Variants in SETD3 observed in about 807,000 individuals in gnomAD.
SETD3 encodes SET domain containing 3, actin N3(tau)-histidine methyltransferase, also known as actin-histidine N-methyltransferase.
A neutral mutation model predicts 63.0 loss-of-function variants in SETD3; 19 were observed. That is an observed-to-expected ratio of 0.30 (90% CI 0.21 to 0.44). The LOEUF (loss-of-function observed/expected upper bound fraction) is 0.44, where lower values mean the gene tolerates loss of function less well. Among genes scored for constraint, SETD3 ranks in the 20% least tolerant of loss-of-function variants. The probability of loss-of-function intolerance (pLI) is 1.00; values close to 1 mark genes in which losing one functional copy is unlikely to be tolerated. For missense variants in SETD3, 587 were observed against 728.5 expected, an observed-to-expected ratio of 0.81 and a Z score of 2.24; for synonymous variants, 286 against 264.1, an observed-to-expected ratio of 1.08 and a Z score of -0.80.
intron 11 of SETD3, among the ~76,000 whole-genome samples, chr14:99,400,819 G>A (rs553216497): frequency 2.0e-5 from 3 of 152,302 alleles, no homozygotes; most frequent in Non-Finnish European, 4.4e-5. Context: ...AAATCAAACA[G>A]TGCTACCATA....
intron 1 of SETD3, among the ~76,000 whole-genome samples, chr14:99,476,794 T>C (rs1352633210): frequency 1.3e-5 from 2 of 152,204 alleles, no homozygotes; most frequent in African/African-American, 2.4e-5. Flanking sequence ...ATTGTATTCT[T>C]AAAAAATGGA....
At chr14:99,410,170 G>A (rs1197271207) in intron 8 of SETD3, 2 of 1,602,328 alleles carry the variant, frequency 1.2e-6, no homozygotes, top group South Asian at 1.1e-5. Flanking sequence ...AGGAATGGAG[G>A]GTCTTAGGCA....
chr14:99,421,328 T>C (rs920340562), intron 6 of SETD3, among the ~76,000 whole-genome samples: 1 of 152,058 alleles, frequency 6.6e-6, no homozygotes, highest in African/African-American at 2.4e-5. Flanking sequence ...TATATTGTTT[T>C]AGTTTTAATT....
At position 99,412,865 on chromosome 14, in the gene SETD3, T is replaced by C. The variant is rs557266254; in HGVS notation, c.849+86A>G. 32 of 939,228 alleles carry C rather than the reference T, an allele frequency of 3.4e-5. No homozygotes were observed. In the South Asian group the frequency reaches 4.0e-4, roughly 12 times the overall value. 58.2% of individuals were successfully genotyped at this position (939,228 alleles called of 1,614,324 possible). On this transcript the variant is annotated intron_variant, in intron 8 of 12. Coordinates refer to ENST00000331768, the MANE Select transcript of SETD3 (RefSeq NM_032233.3). Reference sequence around the variant, plus strand: ...GAGGGAGGCAACGGGGGGAGTACGATGGGTAGGTGGAATAACAGCCCCCTC... The same window carrying C: ...GAGGGAGGCAACGGGGGGAGTACGACGGGTAGGTGGAATAACAGCCCCCTC...
In SETD3 at chr14:99,404,218, G is replaced by T; in HGVS notation, c.1177+7C>A. Reference sequence around the variant, plus strand: ...GTCAACATCTCTTTTTTCCTGAAATGACTTACCTTCAGTCATACAGAATAC... The same window carrying T: ...GTCAACATCTCTTTTTTCCTGAAATTACTTACCTTCAGTCATACAGAATAC... On this transcript the variant is annotated splice_region_variant and intron_variant, in intron 11 of 12. Coordinates refer to ENST00000331768, the MANE Select transcript of SETD3 (RefSeq NM_032233.3). The T allele has an allele frequency of 2.5e-6, 4 of 1,608,892 alleles. No individual in the cohort carries two copies. Among genetic ancestry groups the T allele is most frequent in the South Asian group, 2.2e-5 (2 of 90,302 alleles).
chr14:99,414,947 C>T (rs1220020583), intron 6 of SETD3, among the ~76,000 whole-genome samples: 1 of 152,230 alleles, frequency 6.6e-6, no homozygotes, highest in Non-Finnish European at 1.5e-5. Flanking sequence ...TGTAATTTAT[C>T]ATCGCTCACT....
intron 1 of SETD3, among the ~76,000 whole-genome samples, chr14:99,474,385 A>G (rs1189864267): frequency 6.6e-6 from 1 of 152,184 alleles, no homozygotes; most frequent in Non-Finnish European, 1.5e-5. Flanking sequence ...CAAAAGTACC[A>G]AGAAGTCAAG....
chr14:99,458,207 T>C (rs1595247417), intron 6 of SETD3, 72 bp downstream of exon 6: 3 of 1,484,172 alleles, frequency 2.0e-6, no homozygotes, highest in Non-Finnish European at 1.8e-6. Context: ...TCAAATGGAA[T>C]ATTTATGGAC....
chr14:99,429,675 T>C (rs929858519), intron 6 of SETD3, among the ~76,000 whole-genome samples: 1 of 152,224 alleles, frequency 6.6e-6, no homozygotes, highest in African/African-American at 2.4e-5. Context: ...TCCAAGTTCT[T>C]TGAAACATGT....
intron 6 of SETD3, among the ~76,000 whole-genome samples, chr14:99,423,759 C>T (rs888470052): frequency 6.6e-6 from 1 of 151,962 alleles, no homozygotes; most frequent in Non-Finnish European, 1.5e-5. Flanking sequence ...TCTGGAAGAA[C>T]AAAGAAGCAA....
At chr14:99,475,583 CT>C (rs1895933656) in intron 1 of SETD3, among the ~76,000 whole-genome samples, 1 of 152,236 alleles carries the variant, frequency 6.6e-6, no homozygotes, top group Non-Finnish European at 1.5e-5. Flanking sequence ...GTTTTGTCTT[CT>C]CCAGGCTTAA....
At chr14:99,421,417 A>G (rs1238717516) in intron 6 of SETD3, among the ~76,000 whole-genome samples, 1 of 151,994 alleles carries the variant, frequency 6.6e-6, no homozygotes, top group African/African-American at 2.4e-5. Context: ...ATGATCAGTC[A>G]TTTACAAGAG....
chr14:99,438,825 C>A (rs140882538), intron 6 of SETD3, among the ~76,000 whole-genome samples: 1 of 152,226 alleles, frequency 6.6e-6, no homozygotes, highest in Non-Finnish European at 1.5e-5. Flanking sequence ...TCCCTCTCAC[C>A]GTGAACAGGC....
intron 6 of SETD3, chr14:99,444,554 ATACAT>A (rs1894021527): frequency 6.6e-6 from 1 of 152,248 alleles, no homozygotes; most frequent in Non-Finnish European, 1.5e-5. Flanking sequence ...CTCTGATCTT[ATACAT>A]TACATGTATC....
intron 6 of SETD3, among the ~76,000 whole-genome samples, chr14:99,423,317 A>T (rs1334180339): frequency 6.6e-6 from 1 of 152,122 alleles, no homozygotes; most frequent in Non-Finnish European, 1.5e-5. Context: ...ATATTTTAAC[A>T]TTACTAGTAA....
chr14:99,399,213 T>C (rs1048844723), intron 12 of SETD3, 88 bp from the exon 13 acceptor site: 8 of 1,190,230 alleles, frequency 6.7e-6, no homozygotes, highest in Non-Finnish European at 9.5e-6. Context: ...GATGGGGACA[T>C]GAGGGAACTT....
chr14:99,475,970 T>C (rs1895952201), intron 1 of SETD3, among the ~76,000 whole-genome samples: 1 of 152,254 alleles, frequency 6.6e-6, no homozygotes, highest in African/African-American at 2.4e-5. Flanking sequence ...CAACTATTCA[T>C]GCTGTCATGT....
chr14:99,458,197 T>A, intron 6 of SETD3, 82 bp downstream of exon 6: 1 of 1,428,466 alleles, frequency 7.0e-7, no homozygotes, highest in Non-Finnish European at 9.5e-7. Context: ...TAATAAGACA[T>A]CAAATGGAAT....
rs759096013 is a variant in SETD3 at position 99,397,880 on chromosome 14, CTGTG to C, written c.*795_*798del. 2.0e-5 allele frequency: 3 copies of C among 152,592 alleles called. No homozygotes were observed. Among genetic ancestry groups the C allele is most frequent in the Non-Finnish European group, 4.4e-5 (3 of 68,038 alleles). The allele number at this position is 152,592 out of a possible 1,614,324, so 9.5% of individuals were successfully genotyped here. ...CACCACCACGTGAAGCTGTGGGCCG[CTGTG>C]TGTTTGCAAACTCTCCATTACCAAG... On this transcript the variant is annotated 3_prime_UTR_variant, in exon 13 of 13. Transcript: ENST00000331768.
Sources: allele counts gnomAD v4.1 joint callset (sites outside exome capture counted in the v4.1 genomes callset), GRCh38; gene constraint gnomAD v4.1.1; transcripts MANE v1.5; gene names NCBI Gene and HGNC (gene_info 2026-07-23, HGNC 2026-07-21).